Variants in KAZN observed in about 807,000 individuals in gnomAD.
KAZN encodes the protein kazrin.
KAZN carries 40 observed loss-of-function variants against 87.4 expected under a neutral mutation model. The ratio of observed to expected loss-of-function variants is 0.46; its 90% confidence interval spans 0.36 to 0.60. The LOEUF is 0.60. KAZN is among the 20% of genes least tolerant of loss of function. KAZN has a pLI of 0.00. For synonymous variants in KAZN, 466 were observed against 458.3 expected (o/e 1.02, Z -0.22); for missense variants, 898 against 1,073.9 (o/e 0.84, Z 2.29).
chr1:14,101,710 A>G (rs149496091), intron 1 of KAZN, among the ~76,000 whole-genome samples: 5 of 152,248 alleles, frequency 3.3e-5, no homozygotes, highest in Middle Eastern at 3.2e-3. Flanking sequence ...TAATATTTAC[A>G]TAAACCCAAT....
intron 2 of KAZN, among the ~76,000 whole-genome samples, chr1:14,276,252 G>C (rs1248857843): frequency 6.7e-6 from 1 of 150,364 alleles, no homozygotes; most frequent in East Asian, 2.0e-4. Flanking sequence ...TTTGCTAAAG[G>C]TTACTTCATC....
chr1:14,524,931 C>A (rs532841094), intron 2 of KAZN, among the ~76,000 whole-genome samples: 1 of 152,270 alleles, frequency 6.6e-6, no homozygotes, highest in East Asian at 1.9e-4. Context: ...CTTTGGAGAC[C>A]CAGCAAGGTC....
Position 14,111,684 on chromosome 1 carries a change from C to G in KAZN, c.92-68751C>G, listed in dbSNP as rs1366792709. 1.5e-5 allele frequency among the ~76,000 whole-genome samples: 2 copies of G among 133,052 alleles called. 1 individual carries two copies. Among genetic ancestry groups the G allele is most frequent in the Non-Finnish European group, 3.2e-5 (2 of 62,564 alleles). The allele number at this position is 133,052 out of a possible 152,430, so 87.3% of individuals were successfully genotyped here. A position where few individuals can be genotyped will look rare whatever the true frequency, so the allele number is the denominator to read the frequency against. The stretch of plus-strand genomic sequence containing the variant: ...CAGGGGCATTGAAAGTCCTGCACAC[C>G]TGCGTTGTCTCTGGACTCCACACCT... On this transcript the variant is annotated intron_variant, in intron 1 of 16. Coordinates refer to the KAZN transcript ENST00000636203.
chr1:15,065,027 C>T (rs369692550), intron 7 of KAZN, among the ~76,000 whole-genome samples: 6 of 102,754 alleles, frequency 5.8e-5, no homozygotes, highest in East Asian at 2.9e-4. Context: ...CTTTTTCTTT[C>T]TTTTTTTTTT....
At chr1:14,624,151 A>G (rs1040145745) in intron 1 of KAZN, among the ~76,000 whole-genome samples, 1 of 152,204 alleles carries the variant, frequency 6.6e-6, no homozygotes, top group Non-Finnish European at 1.5e-5. Flanking sequence ...GGCCGGGCAC[A>G]GTGGCTCATG....
Position 14,728,708 on chromosome 1 carries a change from G to A in KAZN, c.226+129485G>A, listed in dbSNP as rs115643311. Among the ~76,000 whole-genome samples, 398 of 152,272 alleles carry A rather than the reference G, an allele frequency of 2.6e-3. 1 individual carries two copies. The highest frequency in any genetic ancestry group is 9.2e-3 in the African/African-American group (383 of 41,536). On this transcript the variant is annotated intron_variant, in intron 1 of 14. Transcript: ENST00000376030. ...GCAGAGGCCTAGGATACACCCATGA[G>A]GACAGCAGCCTCGCCTTACACTTAA...
chr1:13,906,552 G>T (rs138072624), intron 1 of KAZN, among the ~76,000 whole-genome samples: 1 of 152,170 alleles, frequency 6.6e-6, no homozygotes, highest in East Asian at 1.9e-4. Flanking sequence ...GCCTCTTCCC[G>T]TTCTTCTGGC....
At chr1:13,933,304 C>CT (rs1197895790) in intron 1 of KAZN, among the ~76,000 whole-genome samples, 1 of 152,008 alleles carries the variant, frequency 6.6e-6, no homozygotes, top group Non-Finnish European at 1.5e-5. Flanking sequence ...ACCAGACTGA[C>CT]TAACATGGAG....
chr1:15,046,191 G>A (rs532166822), intron 4 of KAZN, among the ~76,000 whole-genome samples: 4 of 151,840 alleles, frequency 2.6e-5, no homozygotes, highest in Admixed American at 1.3e-4. Context: ...CCAGTTACTC[G>A]GGAGGCTGAG....
chr1:14,476,013 G>A (rs1571742536), intron 2 of KAZN, among the ~76,000 whole-genome samples: 2 of 152,194 alleles, frequency 1.3e-5, no homozygotes, highest in Non-Finnish European at 2.9e-5. Flanking sequence ...TTACTACACA[G>A]ACTCTCTCGC....
intron 2 of KAZN, among the ~76,000 whole-genome samples, chr1:14,370,555 G>A (rs1329906295): frequency 1.3e-5 from 2 of 152,194 alleles, no homozygotes; most frequent in African/African-American, 2.4e-5. Flanking sequence ...GTATAGACAC[G>A]ATTACTTTTC....
chr1:14,390,066 T>A (rs922528270), intron 2 of KAZN, among the ~76,000 whole-genome samples: 1 of 152,000 alleles, frequency 6.6e-6, no homozygotes, highest in Non-Finnish European at 1.5e-5. Flanking sequence ...TATTTTAGAA[T>A]GTGAGAAATA....
At chr1:14,238,162 CTT>C (rs1648598994) in intron 2 of KAZN, among the ~76,000 whole-genome samples, 2 of 152,098 alleles carry the variant, frequency 1.3e-5, no homozygotes, top group Non-Finnish European at 2.9e-5. Context: ...TAGTACCTGC[CTT>C]GTAAGGCCAT....
chr1:13,999,016 G>T (rs1047984084), intron 1 of KAZN, among the ~76,000 whole-genome samples: 63 of 152,154 alleles, frequency 4.1e-4, no homozygotes, highest in Non-Finnish European at 4.3e-4. Context: ...AACAAATAGT[G>T]TCTTAGACCA....
At chr1:14,939,206 A>G (rs1321693177) in intron 1 of KAZN, among the ~76,000 whole-genome samples, 2 of 152,162 alleles carry the variant, frequency 1.3e-5, no homozygotes, top group African/African-American at 4.8e-5. Flanking sequence ...ACCTGACCTC[A>G]GGTGATCAAC....
intron 1 of KAZN, among the ~76,000 whole-genome samples, chr1:14,680,851 G>A (rs559020850): frequency 7.9e-4 from 121 of 152,236 alleles, no homozygotes; most frequent in Non-Finnish European, 1.4e-3. Context: ...AAGGAAATAC[G>A]TGAGACTCGG....
intron 2 of KAZN, among the ~76,000 whole-genome samples, chr1:14,514,160 A>C (rs1446594990): frequency 7.1e-6 from 1 of 141,600 alleles, no homozygotes; most frequent in Non-Finnish European, 1.5e-5. Flanking sequence ...CTCTACTAAA[A>C]AAAAATACAA....
intron 2 of KAZN, among the ~76,000 whole-genome samples, chr1:14,371,028 C>T (rs1448225989): frequency 2.0e-5 from 3 of 152,112 alleles, no homozygotes; most frequent in African/African-American, 7.2e-5. Context: ...ACTATTGAAC[C>T]AGGGGTAGGT....
chr1:15,000,528 T>C (rs1002527979), intron 2 of KAZN, among the ~76,000 whole-genome samples: 1 of 151,520 alleles, frequency 6.6e-6, no homozygotes, highest in African/African-American at 2.4e-5. Context: ...ACAGAGGGTG[T>C]CGTGAGAGAG....
Sources: gnomAD v4.1 joint callset for allele counts (sites outside exome capture counted in the v4.1 genomes callset) on GRCh38, gnomAD v4.1.1 for gene constraint, MANE v1.5 for transcripts, NCBI Gene and HGNC (gene_info 2026-07-23, HGNC 2026-07-21) for gene names.